The following TANGO6 variants were observed in gnomAD, a reference collection of about 807,000 sequenced individuals.
TANGO6 encodes the protein transport and Golgi organization protein 6 homolog.
Under a neutral mutation model 114.2 loss-of-function variants are expected in TANGO6, and 90 were observed. The observed-to-expected ratio is 0.79, with a 90% CI of 0.66 to 0.94. The LOEUF (loss-of-function observed/expected upper bound fraction) is 0.94. Among genes scored for constraint, TANGO6 ranks in the 40% least tolerant of loss-of-function variants. The pLI is 0.00. For synonymous variants in TANGO6, 477 were observed against 509.8 expected (o/e 0.94, Z 0.87); for missense variants, 1,274 against 1,315.3 (o/e 0.97, Z 0.49).
intron 9 of TANGO6, among the ~76,000 whole-genome samples, chr16:68,905,355 G>A (rs755204503): frequency 1.8e-4 from 27 of 151,876 alleles, no homozygotes; most frequent in Non-Finnish European, 3.4e-4. Flanking sequence ...GGCCAACATG[G>A]TGAAACCCTG....
chr16:68,965,823 T>A (rs556878818), intron 14 of TANGO6, among the ~76,000 whole-genome samples: 3 of 151,848 alleles, frequency 2.0e-5, no homozygotes, highest in Non-Finnish European at 4.4e-5. Flanking sequence ...AATAATAAAA[T>A]TTTTAAAATA....
chr16:68,988,312 G>A (rs1043416216), intron 15 of TANGO6, among the ~76,000 whole-genome samples: 2 of 152,056 alleles, frequency 1.3e-5, no homozygotes, highest in Non-Finnish European at 2.9e-5. Context: ...TTTTTGAAAC[G>A]CCTTCTTCTC....
intron 11 of TANGO6, among the ~76,000 whole-genome samples, chr16:68,911,415 CTTT>C (rs776375913): frequency 3.7e-4 from 50 of 133,610 alleles, no homozygotes; most frequent in African/African-American, 1.1e-3. Flanking sequence ...TTTATAGTTT[CTTT>C]TTTTTTTTTT....
intron 7 of TANGO6, among the ~76,000 whole-genome samples, chr16:68,889,651 T>C (rs1962584517): frequency 6.6e-6 from 1 of 152,170 alleles, no homozygotes; most frequent in Non-Finnish European, 1.5e-5. Context: ...TTCAAGGCTG[T>C]GGGAATTGCA....
chr16:69,077,057 T>G (rs1251406098), intron 17 of TANGO6, among the ~76,000 whole-genome samples: 1 of 151,924 alleles, frequency 6.6e-6, no homozygotes. Context: ...TTTTTTTTTT[T>G]TGGAGACAGG....
At chr16:68,897,345 A>G (rs1481917695) in intron 7 of TANGO6, among the ~76,000 whole-genome samples, 1 of 152,068 alleles carries the variant, frequency 6.6e-6, no homozygotes, top group East Asian at 1.9e-4. Flanking sequence ...TGCCTCCTCT[A>G]CTAGAATATT....
At chr16:69,077,859 A>T (rs910505367) in intron 17 of TANGO6, among the ~76,000 whole-genome samples, 3 of 152,126 alleles carry the variant, frequency 2.0e-5, no homozygotes, top group Non-Finnish European at 2.9e-5. Context: ...AAGGCAAAAC[A>T]TGGCCTCAGT....
intron 4 of TANGO6, among the ~76,000 whole-genome samples, chr16:68,869,302 A>G (rs1232881450): frequency 6.6e-6 from 1 of 152,066 alleles, no homozygotes; most frequent in Non-Finnish European, 1.5e-5. Flanking sequence ...ACATGGGGAA[A>G]CCCCATCTCT....
At chr16:68,887,345 C>A (rs1269303868) in intron 7 of TANGO6, among the ~76,000 whole-genome samples, 3 of 152,230 alleles carry the variant, frequency 2.0e-5, no homozygotes, top group African/African-American at 7.2e-5. Context: ...CACCTTTATA[C>A]ACTATCCTGA....
intron 17 of TANGO6, among the ~76,000 whole-genome samples, chr16:69,076,489 G>A (rs922614123): frequency 3.3e-5 from 5 of 152,174 alleles, no homozygotes; most frequent in Non-Finnish European, 5.9e-5. Context: ...TTGCCCTGCT[G>A]TGCCATTATT....
chr16:68,865,861 C>T (rs1007683566), intron 3 of TANGO6, among the ~76,000 whole-genome samples: 14 of 150,930 alleles, frequency 9.3e-5, no homozygotes, highest in African/African-American at 3.2e-4. Context: ...GAGGTTGCAG[C>T]GAGCCGAGAT....
chr16:68,978,127 G>A (rs1433219829), intron 15 of TANGO6, among the ~76,000 whole-genome samples: 1 of 152,152 alleles, frequency 6.6e-6, no homozygotes, highest in Non-Finnish European at 1.5e-5. Flanking sequence ...GGTGTGAAGG[G>A]TGTACCACTG....
At chr16:69,049,687 C>T (rs897788782) in intron 17 of TANGO6, among the ~76,000 whole-genome samples, 2 of 151,890 alleles carry the variant, frequency 1.3e-5, no homozygotes, top group Non-Finnish European at 1.5e-5. Flanking sequence ...CACCCCTCCC[C>T]GCCCAGCCTC....
chr16:68,894,094 A>G (rs890708427), intron 7 of TANGO6, among the ~76,000 whole-genome samples: 1 of 152,198 alleles, frequency 6.6e-6, no homozygotes, highest in Non-Finnish European at 1.5e-5. Flanking sequence ...CATGTGTAGT[A>G]TGATTTCATG....
intron 14 of TANGO6, among the ~76,000 whole-genome samples, chr16:68,965,004 G>A (rs1033979571): frequency 6.6e-6 from 1 of 152,082 alleles, no homozygotes; most frequent in Non-Finnish European, 1.5e-5. Context: ...TGTACATAAA[G>A]TGATTTCCTG....
chr16:68,944,362 C>A (rs536037350), intron 14 of TANGO6, among the ~76,000 whole-genome samples: 1 of 152,098 alleles, frequency 6.6e-6, no homozygotes, highest in African/African-American at 2.4e-5. Flanking sequence ...ACCAAGAGGA[C>A]GATCAGCTGC....
intron 16 of TANGO6, chr16:69,036,174 G>T (rs1244462913): frequency 1.3e-5 from 2 of 151,992 alleles, no homozygotes; most frequent in Non-Finnish European, 2.9e-5. Context: ...TCATTATGTC[G>T]TTGGGGTTGG....
chr16:68,865,014 A>T (rs1184208236), intron 3 of TANGO6, among the ~76,000 whole-genome samples: 1 of 151,472 alleles, frequency 6.6e-6, no homozygotes, highest in African/African-American at 2.4e-5. Context: ...GTGGTGGCTC[A>T]CCCCTGTAAT....
intron 15 of TANGO6, among the ~76,000 whole-genome samples, chr16:69,008,248 C>A (rs1964112957): frequency 1.3e-5 from 2 of 152,128 alleles, no homozygotes; most frequent in East Asian, 1.9e-4. Context: ...TATCAAAATT[C>A]TTTTCACTTT....
Sources: allele counts gnomAD v4.1 joint callset (sites outside exome capture counted in the v4.1 genomes callset), GRCh38; gene constraint gnomAD v4.1.1; transcripts MANE v1.5; gene names NCBI Gene and HGNC (gene_info 2026-07-23, HGNC 2026-07-21).